CASP2: variants seen among roughly 807,000 people sequenced by gnomAD.
CASP2 encodes the protein caspase 2.
A neutral mutation model predicts 54.4 loss-of-function variants in CASP2; 38 were observed. That is an observed-to-expected ratio of 0.70 (90% CI 0.54 to 0.92). The LOEUF (loss-of-function observed/expected upper bound fraction) is 0.92, where lower values mean the gene tolerates loss of function less well. Ranked by LOEUF, CASP2 falls within the 40% of genes least tolerant of loss-of-function variation. The probability of loss-of-function intolerance (pLI) is 0.00; values close to 1 mark genes in which losing one functional copy is unlikely to be tolerated. For missense variants in CASP2, 512 were observed against 579.6 expected (o/e 0.88, Z 1.20); for synonymous variants, 215 against 216.3 (o/e 0.99, Z 0.05).
chr7:143,303,905 C>T lies in CASP2; in HGVS notation c.1089C>T (p.Asp363=). ...LPKMRLPTRS[D]MICGYACLKG... is the part of the protein sequence containing the mutation. ...AGATGAGACTGCCCACGCGCTCAGA[C>T]ATGATATGCGGCTATGCCTGCCTCA... The change falls in exon 9 of 11, where the codon GAC becomes GAT. Residue 363 remains aspartate, a synonymous_variant. Transcript: ENST00000310447. 1.2e-6 allele frequency: 2 copies of T among 1,608,054 alleles called. No individual in the cohort carries two copies. The highest frequency in any genetic ancestry group is 1.7e-6 in the Non-Finnish European group (2 of 1,176,996).
At chr7:143,292,214 A>G in intron 2 of CASP2, 86 bp from the exon 3 acceptor site, 1 of 1,350,360 alleles carries the variant, frequency 7.4e-7, no homozygotes, top group Non-Finnish European at 1.1e-6. Flanking sequence ...TTCTTGGATG[A>G]GGACACTACT....
rs187212880 is a variant in CASP2 at position 143,296,099 on chromosome 7, A to T, written c.747+1326A>T. On this transcript the variant is annotated intron_variant, in intron 6 of 10. Coordinates refer to ENST00000310447, the MANE Select transcript of CASP2 (RefSeq NM_032982.4). The stretch of plus-strand genomic sequence containing the variant: ...GATCTTACATGTCTAATAGTTAAAG[A>T]TAAAATACTGAGTCACTAAGTCAAC... Among the ~76,000 whole-genome samples the T allele has an allele frequency of 2.8e-3, 420 of 152,246 alleles. 1 individual carries two copies. Among genetic ancestry groups the T allele is most frequent in the African/African-American group, 9.7e-3 (404 of 41,584 alleles).
rs1168252520 is a variant in CASP2, at chr7:143,304,747, G to A, written c.1191G>A (p.Arg397=). 2.5e-6 allele frequency: 4 copies of A among 1,614,064 alleles called. No individual in the cohort carries two copies. The highest frequency in any genetic ancestry group is 2.5e-6 in the Non-Finnish European group (3 of 1,180,044). The part of the protein sequence containing the change: ...IEALAQVFSE[R]ACDMHVADML... ...CTCTTGCTCAAGTGTTTTCTGAGCGGGCTTGTGATATGCACGTGGCCGACA... is the reference window on the plus strand; with the variant it reads ...CTCTTGCTCAAGTGTTTTCTGAGCGAGCTTGTGATATGCACGTGGCCGACA... The change falls in exon 10 of 11, where the codon CGG becomes CGA. Residue 397 remains arginine, a synonymous_variant. Coordinates refer to ENST00000310447, the MANE Select transcript of CASP2 (RefSeq NM_032982.4).
rs369175154 is a variant in CASP2, at chr7:143,303,795, C to T, written c.979C>T (p.Arg327Cys). The T allele has an allele frequency of 1.9e-5, 30 of 1,613,618 alleles. No individual in the cohort carries two copies. The African/African-American group carries it at 2.8e-4, about 15-fold the overall frequency. Residue 327 changes from arginine (R) to cysteine (C), a missense_variant, in exon 9 of 11, where the codon CGT (arginine) becomes TGT (cysteine). By Grantham distance (180) the Arg-to-Cys change is radical. Transcript: ENST00000310447. ...TGCCTTTGTTACAGATGAGACTGAT[C>T]GTGGGGTTGACCAACAAGATGGAAA... The part of the protein sequence containing the change: ...IQACRGDETD[R>C]GVDQQDGKNH...
At position 143,307,350 on chromosome 7, in the gene CASP2, T is replaced by TA. The variant is rs1322482364; in HGVS notation, c.*2280dup. 6.6e-6 allele frequency: 1 copy of TA among 152,258 alleles called. No individual in the cohort carries two copies. The highest frequency in any genetic ancestry group is 2.4e-5 in the African/African-American group (1 of 41,460). The allele number at this position is 152,258 out of a possible 1,614,324, so 9.4% of individuals were successfully genotyped here. A position where few individuals can be genotyped will look rare whatever the true frequency, so the allele number is the denominator to read the frequency against. The stretch of plus-strand genomic sequence containing the variant: ...GGCAAGCCAACCTTAGCTACAATCC[T>TA]ACCTTTTGATAAAATGTTCCTTTTG... On this transcript the variant is annotated 3_prime_UTR_variant, in exon 11 of 11. Coordinates refer to ENST00000310447, the MANE Select transcript of CASP2 (RefSeq NM_032982.4).
In CASP2 at chr7:143,305,072, T is replaced by C; in HGVS notation, c.*1T>C. On this transcript the variant is annotated 3_prime_UTR_variant, in exon 11 of 11. Coordinates refer to ENST00000310447, the MANE Select transcript of CASP2 (RefSeq NM_032982.4). Reference sequence around the variant, plus strand: ...GTTCCCAGGACACCCTCCCACATGATGTCACCTCCCCATCATCCACGCCAA... The same window carrying C: ...GTTCCCAGGACACCCTCCCACATGACGTCACCTCCCCATCATCCACGCCAA... The C allele has an allele frequency of 6.2e-7, 1 of 1,614,206 alleles. No homozygotes were observed. The highest frequency in any genetic ancestry group is 8.5e-7 in the Non-Finnish European group (1 of 1,180,028).
chr7:143,301,515 T>G (rs1468692271), intron 8 of CASP2: 3 of 152,170 alleles, frequency 2.0e-5, no homozygotes, highest in African/African-American at 7.2e-5. Flanking sequence ...AAGGTGAAAT[T>G]AGCAAGGTAC....
intron 1 of CASP2, chr7:143,290,624 G>A (rs1013427769): frequency 6.6e-6 from 1 of 152,278 alleles, no homozygotes; most frequent in African/African-American, 2.4e-5. Context: ...AGCTGGAGGT[G>A]ACAGCACATG....
intron 7 of CASP2, 31 bp from the exon 8 acceptor site, chr7:143,300,173 A>G (rs746698551): frequency 6.2e-7 from 1 of 1,613,188 alleles, no homozygotes; most frequent in South Asian, 1.1e-5. Context: ...TGAATGCTTA[A>G]CCTCTCTTCT....
chr7:143,294,462 G>A lies in CASP2; in HGVS notation c.571-135G>A. 3 of 1,046,086 alleles carry A rather than the reference G, an allele frequency of 2.9e-6. No individual in the cohort carries two copies. In the South Asian group the frequency reaches 3.8e-5, roughly 13 times the overall value. 64.8% of individuals were successfully genotyped at this position (1,046,086 alleles called of 1,614,324 possible). The stretch of plus-strand genomic sequence containing the variant: ...TTGTTACTGGTTAAATGCCTTCTGT[G>A]AGCATTTGTCTATTTTTACCTGCTG... On this transcript the variant is annotated intron_variant, in intron 5 of 10. Transcript: ENST00000310447.
At chr7:143,293,128 T>G (rs1801633583) in intron 4 of CASP2, 1 of 655,400 alleles carries the variant, frequency 1.5e-6, no homozygotes, top group African/African-American at 1.9e-5. Context: ...TTTTTTTTTT[T>G]TGTTGTGTTT....
intron 6 of CASP2, among the ~76,000 whole-genome samples, chr7:143,295,059 G>A (rs1375897056): frequency 1.3e-5 from 2 of 150,114 alleles, no homozygotes; most frequent in African/African-American, 4.9e-5. Flanking sequence ...ACAGAGTTTA[G>A]CTCTGTCACC....
intron 1 of CASP2, among the ~76,000 whole-genome samples, chr7:143,289,115 C>G (rs1801476877): frequency 6.6e-6 from 1 of 152,170 alleles, no homozygotes; most frequent in Admixed American, 6.5e-5. Flanking sequence ...CATTTCATGG[C>G]AGTCATCACC....
intron 1 of CASP2, among the ~76,000 whole-genome samples, chr7:143,289,890 T>C (rs932127575): frequency 6.6e-5 from 10 of 152,082 alleles, no homozygotes; most frequent in Admixed American, 1.3e-4. Flanking sequence ...ACTTCATCTG[T>C]TTTAGGATCC....
chr7:143,291,135 G>A (rs948759728), intron 1 of CASP2, among the ~76,000 whole-genome samples: 4 of 152,172 alleles, frequency 2.6e-5, no homozygotes, highest in Non-Finnish European at 4.4e-5. Context: ...CCTCATCTAA[G>A]ATCATTATAA....
At chr7:143,289,805 T>G (rs3181166) in intron 1 of CASP2, 19,341 of 167,334 alleles carry the variant, frequency 0.12, 1,529 homozygotes, top group Non-Finnish European at 0.16. Flanking sequence ...ATGGAAATAT[T>G]ACAGTAAAAA....
intron 6 of CASP2, among the ~76,000 whole-genome samples, chr7:143,296,333 A>T (rs918005073): frequency 1.3e-4 from 20 of 152,372 alleles, no homozygotes; most frequent in African/African-American, 4.3e-4. Flanking sequence ...GCTGCCACAG[A>T]TTTTAAAGAT....
intron 8 of CASP2, chr7:143,300,883 C>T: frequency 9.2e-7 from 1 of 1,085,072 alleles, no homozygotes. Flanking sequence ...TGTTTTACTC[C>T]TTTAAGAGCC....
At chr7:143,289,709 A>G (rs1801495326) in intron 1 of CASP2, 4 of 574,960 alleles carry the variant, frequency 7.0e-6, no homozygotes, top group Non-Finnish European at 8.8e-6. Context: ...GCTTTGACGT[A>G]TTCGAAAGTG....
Sources: gnomAD v4.1 joint callset for allele counts (sites outside exome capture counted in the v4.1 genomes callset) on GRCh38, gnomAD v4.1.1 for gene constraint, MANE v1.5 for transcripts, NCBI Gene and HGNC (gene_info 2026-07-23, HGNC 2026-07-21) for gene names.